SEC24B: variants seen among roughly 807,000 people sequenced by gnomAD.
The protein encoded by SEC24B is SEC24 homolog B, COPII component, also known as protein transport protein Sec24B.
In SEC24B, 45 loss-of-function variants were observed where a neutral mutation model predicts 142.8. The ratio of observed to expected loss-of-function variants is 0.32; its 90% CI spans 0.25 to 0.40. SEC24B has a LOEUF of 0.40. Among genes scored for constraint, SEC24B ranks in the 10% least tolerant of loss-of-function variants. SEC24B has a pLI of 1.00. For missense variants in SEC24B, 1,409 were observed against 1,526.8 expected, an observed-to-expected ratio of 0.92 and a Z score of 1.29; for synonymous variants, 574 against 568.2, an observed-to-expected ratio of 1.01 and a Z score of -0.15.
intron 1 of SEC24B, 25 bp downstream of exon 1, chr4:109,434,027 C>A (rs1385773378): frequency 1.2e-5 from 13 of 1,106,620 alleles, no homozygotes; most frequent in Non-Finnish European, 1.1e-5. Context: ...CCGGGCGGAG[C>A]GCGGGGCCTA....
chr4:109,468,329 G>C (rs1732175443), intron 2 of SEC24B, among the ~76,000 whole-genome samples: 1 of 152,006 alleles, frequency 6.6e-6, no homozygotes, highest in South Asian at 2.1e-4. Flanking sequence ...CCCACTACTT[G>C]TAAATTTTTC....
At chr4:109,466,044 CT>C (rs1731818150) in intron 2 of SEC24B, among the ~76,000 whole-genome samples, 1 of 151,798 alleles carries the variant, frequency 6.6e-6, no homozygotes, top group African/African-American at 2.4e-5. Context: ...GACAAACGTG[CT>C]TCATTTCAAA....
intron 1 of SEC24B, among the ~76,000 whole-genome samples, chr4:109,437,197 G>T (rs1001286741): frequency 2.6e-5 from 4 of 152,150 alleles, no homozygotes; most frequent in Non-Finnish European, 4.4e-5. Flanking sequence ...GTTGGTGTCT[G>T]TTGGGGAAAA....
intron 20 of SEC24B, 110 bp downstream of exon 20, chr4:109,531,632 T>A: frequency 1.3e-6 from 1 of 765,410 alleles, no homozygotes; most frequent in Non-Finnish European, 2.1e-6. Flanking sequence ...TTAACTCTTT[T>A]TCCCCCTTGT....
rs181123724 is a variant in SEC24B, at chr4:109,434,594, A to G, written c.133+592A>G. 3.9e-5 allele frequency among the ~76,000 whole-genome samples: 6 copies of G among 152,372 alleles called. No individual in the cohort carries two copies. The East Asian group carries it at 5.8e-4, about 15-fold the overall frequency. ...AGACAAAAGGGTGTAAATATGCTAT[A>G]TAAGTGTAACTGTAACCCTGACCCA... On this transcript the variant is annotated intron_variant, in intron 1 of 23. Coordinates refer to ENST00000265175, the MANE Select transcript of SEC24B (RefSeq NM_006323.5).
chr4:109,532,937 T>G (rs1725090177), intron 21 of SEC24B, among the ~76,000 whole-genome samples, 194 bp downstream of exon 21: 1 of 152,236 alleles, frequency 6.6e-6, no homozygotes, highest in African/African-American at 2.4e-5. Context: ...ATATTGATGT[T>G]ATTGATATTT....
rs774177125 is a variant in SEC24B, at chr4:109,526,362, A to G, written c.2928A>G (p.Val976=). Residue 976 remains valine (V), a synonymous_variant, in exon 17 of 24, where the codon GTA becomes GTG. Transcript: ENST00000265175. ...IEESLTDTSL[V]CFQTALLYTS... ...AAAGTTTAACAGATACTTCCTTAGT[A>G]TGTTTTCAAACAGCCCTATTATATA... 2 of 1,613,700 alleles carry G rather than the reference A, an allele frequency of 1.2e-6. No homozygotes were observed. Among genetic ancestry groups the G allele is most frequent in the Non-Finnish European group, 1.7e-6 (2 of 1,179,728 alleles).
At chr4:109,527,721 G>A (rs1440982997) in intron 18 of SEC24B, among the ~76,000 whole-genome samples, 4 of 151,376 alleles carry the variant, frequency 2.6e-5, no homozygotes, top group African/African-American at 7.3e-5. Flanking sequence ...GCAGTGAGCC[G>A]AGACCGCATC....
At chr4:109,512,166 C>T (rs987822885) in intron 9 of SEC24B, 83 bp downstream of exon 9, 2 of 1,249,494 alleles carry the variant, frequency 1.6e-6, no homozygotes, top group Admixed American at 4.8e-5. Context: ...TGGTTTCTCT[C>T]TTCATTGCTT....
At chr4:109,449,331 C>T (rs1045922203) in intron 1 of SEC24B, 1 of 345,750 alleles carries the variant, frequency 2.9e-6, no homozygotes, top group Non-Finnish European at 5.7e-6. Flanking sequence ...TCAAGCAATC[C>T]TCCCACCTCA....
chr4:109,520,664 T>A (rs1723507302), intron 12 of SEC24B, among the ~76,000 whole-genome samples, 180 bp downstream of exon 12: 1 of 152,212 alleles, frequency 6.6e-6, no homozygotes, highest in South Asian at 2.1e-4. Flanking sequence ...ATTACACACA[T>A]GTATGTATAA....
intron 22 of SEC24B, among the ~76,000 whole-genome samples, chr4:109,537,198 A>T (rs1725654530): frequency 6.6e-6 from 1 of 152,170 alleles, no homozygotes; most frequent in African/African-American, 2.4e-5. Context: ...GTAATTTAGC[A>T]TTTCTTTCAT....
At chr4:109,502,460 GGTT>G (rs1377790973) in intron 6 of SEC24B, among the ~76,000 whole-genome samples, 2 of 152,172 alleles carry the variant, frequency 1.3e-5, no homozygotes, top group Admixed American at 1.3e-4. Flanking sequence ...GGAAATTGAT[GGTT>G]GTTCTTTGTG....
intron 14 of SEC24B, among the ~76,000 whole-genome samples, chr4:109,522,476 G>A (rs994825180): frequency 1.3e-5 from 2 of 152,222 alleles, no homozygotes; most frequent in Non-Finnish European, 2.9e-5. Context: ...AGGAAGTAGA[G>A]TGTCTAGTTA....
rs766725761 is a variant in SEC24B, at chr4:109,506,396, A to G, written c.1557A>G (p.Pro519=). ...TGAGTCTTCAGAGTTCTCCACAACC[A>G]GAAAGCCTGAGACCTGTAAACCTTA... The part of the protein sequence containing the change: ...GGLSLQSSPQ[P]ESLRPVNLTQ... Residue 519 remains proline, a synonymous_variant, in exon 7 of 24, where the codon CCA becomes CCG. Coordinates refer to ENST00000265175, the MANE Select transcript of SEC24B (RefSeq NM_006323.5). The G allele has an allele frequency of 1.2e-6, 2 of 1,610,934 alleles. No individual in the cohort carries two copies. The highest frequency in any genetic ancestry group is 1.7e-5 in the Admixed American group (1 of 59,776).
At chr4:109,481,397 A>G (rs1733722165) in intron 3 of SEC24B, among the ~76,000 whole-genome samples, 1 of 152,220 alleles carries the variant, frequency 6.6e-6, no homozygotes, top group African/African-American at 2.4e-5. Context: ...TTTTCAGACA[A>G]TATTATTGCA....
chr4:109,483,536 G>A (rs75379492), intron 4 of SEC24B, among the ~76,000 whole-genome samples: 5,617 of 149,820 alleles, frequency 0.037, 116 homozygotes, highest in East Asian at 0.046. Context: ...TCACATTAGG[G>A]ACTCTCAACC....
In SEC24B at chr4:109,488,656, T is replaced by A. The variant is rs1415771593; in HGVS notation, c.1166-2671T>A. ...GGGTCAGAACTCTGTATTTAACTTT[T>A]GAGAAACTGCCAAACTGTTTTCCAA... On this transcript the variant is annotated intron_variant, in intron 4 of 23. Transcript: ENST00000265175. 2.5e-5 allele frequency: 4 copies of A among 161,160 alleles called. No individual in the cohort carries two copies. In the East Asian group the frequency reaches 7.7e-4, roughly 31 times the overall value. 10.0% of individuals were successfully genotyped at this position (161,160 alleles called of 1,614,324 possible). A position where few individuals can be genotyped will look rare whatever the true frequency, so the allele number is the denominator to read the frequency against.
At chr4:109,531,558 G>A (rs747611956) in intron 20 of SEC24B, 36 bp downstream of exon 20, 1 of 1,493,694 alleles carries the variant, frequency 6.7e-7, no homozygotes, top group East Asian at 2.3e-5. Context: ...GTTTAAATTT[G>A]AATATATTTG....
Sources: allele counts gnomAD v4.1 joint callset (sites outside exome capture counted in the v4.1 genomes callset), GRCh38; gene constraint gnomAD v4.1.1; transcripts MANE v1.5; gene names NCBI Gene and HGNC (gene_info 2026-07-23, HGNC 2026-07-21).